The following XRCC5 variants were observed in gnomAD, a reference collection of about 807,000 sequenced individuals.
The protein encoded by XRCC5 is DNA repair protein Ku80.
A neutral mutation model predicts 95.7 loss-of-function variants in XRCC5; 12 were observed. That is an observed-to-expected ratio of 0.13 (90% CI 0.08 to 0.20). XRCC5 has a LOEUF of 0.20. XRCC5 is among the 10% of genes least tolerant of loss of function. The pLI is 1.00. For synonymous variants in XRCC5, 281 were observed against 290.3 expected (o/e 0.97, Z 0.33); for missense variants, 595 against 873.9 (o/e 0.68, Z 4.02).
chr2:216,153,166 T>G (rs1316175052), intron 14 of XRCC5, among the ~76,000 whole-genome samples: 1 of 152,226 alleles, frequency 6.6e-6, no homozygotes, highest in African/African-American at 2.4e-5. Flanking sequence ...AACTCATCTT[T>G]CAAAAGACAC....
intron 16 of XRCC5, among the ~76,000 whole-genome samples, chr2:216,162,661 G>A (rs1043544672): frequency 6.6e-6 from 1 of 151,952 alleles, no homozygotes; most frequent in African/African-American, 2.4e-5. Context: ...CAAAGTGCTG[G>A]GATAACAGGT....
intron 10 of XRCC5, among the ~76,000 whole-genome samples, chr2:216,136,511 CAG>C (rs903704905): frequency 3.3e-5 from 5 of 151,834 alleles, no homozygotes; most frequent in African/African-American, 7.3e-5. Flanking sequence ...AGAGAATAAT[CAG>C]GGGAGAATGT....
At chr2:216,112,475 G>T (rs887261003) in intron 1 of XRCC5, among the ~76,000 whole-genome samples, 1 of 152,178 alleles carries the variant, frequency 6.6e-6, no homozygotes, top group African/African-American at 2.4e-5. Context: ...AATAGATTTG[G>T]TGTCTTTATT....
At chr2:216,121,111 ATTTC>A (rs1254839417) in intron 5 of XRCC5, among the ~76,000 whole-genome samples, 3 of 152,066 alleles carry the variant, frequency 2.0e-5, no homozygotes, top group African/African-American at 7.2e-5. Flanking sequence ...AACAGTTATT[ATTTC>A]TTTTTCCAGG....
At chr2:216,186,166 A>G (rs1689487911) in intron 16 of XRCC5, among the ~76,000 whole-genome samples, 1 of 152,164 alleles carries the variant, frequency 6.6e-6, no homozygotes, top group South Asian at 2.1e-4. Context: ...GGAGGAGAAA[A>G]TCCCACAATA....
chr2:216,165,848 C>A (rs1453449727), intron 16 of XRCC5, among the ~76,000 whole-genome samples: 3 of 152,118 alleles, frequency 2.0e-5, no homozygotes, highest in Non-Finnish European at 1.5e-5. Context: ...TTTTCTCAGG[C>A]CTGATAGTAG....
chr2:216,119,173 C>T lies in XRCC5; in HGVS notation c.491+8C>T, dbSNP rs369452148. 1.9e-6 allele frequency: 3 copies of T among 1,613,554 alleles called. No individual in the cohort carries two copies. The African/African-American group carries it at 4.0e-5, about 22-fold the overall frequency. On this transcript the variant is annotated splice_region_variant and intron_variant, in intron 5 of 20. Coordinates refer to ENST00000392132, the MANE Select transcript of XRCC5 (RefSeq NM_021141.4). ...CATCTCCCTGCAATTCTTGTAAGAT[C>T]CTAAGAATAATGCATGTAGACAAAT...
At chr2:216,171,445 GA>G (rs1273565429) in intron 16 of XRCC5, among the ~76,000 whole-genome samples, 1 of 152,220 alleles carries the variant, frequency 6.6e-6, no homozygotes, top group East Asian at 1.9e-4. Context: ...GGAAATGGGA[GA>G]AAATTTAACT....
chr2:216,145,744 A>T (rs1688618086), intron 13 of XRCC5, among the ~76,000 whole-genome samples: 1 of 152,190 alleles, frequency 6.6e-6, no homozygotes, highest in Non-Finnish European at 1.5e-5. Context: ...GATGACACTG[A>T]AAAGATTGCC....
At chr2:216,143,796 C>G (rs911967724) in intron 13 of XRCC5, among the ~76,000 whole-genome samples, 2 of 148,122 alleles carry the variant, frequency 1.4e-5, no homozygotes, top group Non-Finnish European at 1.5e-5. Context: ...TGAGCTCTGT[C>G]TCCTGGTTCA....
Position 216,109,349 on chromosome 2 carries a change from C to T in XRCC5, c.-88C>T. The T allele has an allele frequency of 2.5e-6, 4 of 1,602,544 alleles. No individual in the cohort carries two copies. The highest frequency in any genetic ancestry group is 3.4e-6 in the Non-Finnish European group (4 of 1,174,482). ...GCAGGAAACGAAGCGGCTCTTTCCGCTATCTGCCGCTTGTCCACCGGAAGC... is the reference window on the plus strand; with the variant it reads ...GCAGGAAACGAAGCGGCTCTTTCCGTTATCTGCCGCTTGTCCACCGGAAGC... On this transcript the variant is annotated 5_prime_UTR_variant, in exon 1 of 21. Coordinates refer to ENST00000392132, the MANE Select transcript of XRCC5 (RefSeq NM_021141.4).
chr2:216,143,605 A>G (rs1020653747), intron 13 of XRCC5, among the ~76,000 whole-genome samples: 6 of 152,154 alleles, frequency 3.9e-5, no homozygotes, highest in Admixed American at 3.3e-4. Context: ...TGGCTTATCT[A>G]TATAAAGAAG....
intron 4 of XRCC5, among the ~76,000 whole-genome samples, chr2:216,118,044 CTAT>C (rs1319904186): frequency 6.6e-6 from 1 of 152,110 alleles, no homozygotes; most frequent in Non-Finnish European, 1.5e-5. Flanking sequence ...AGTTTACTTC[CTAT>C]TAGACTTAAG....
intron 14 of XRCC5, among the ~76,000 whole-genome samples, chr2:216,149,042 T>C (rs925070743): frequency 1.3e-5 from 2 of 152,214 alleles, no homozygotes; most frequent in Non-Finnish European, 2.9e-5. Context: ...TACATTTCTT[T>C]TGGCTGTATT....
chr2:216,151,928 A>G (rs1381233941), intron 14 of XRCC5, among the ~76,000 whole-genome samples: 5 of 152,186 alleles, frequency 3.3e-5, no homozygotes, highest in Non-Finnish European at 7.3e-5. Context: ...GAAACTTACA[A>G]TCATGGCAGA....
chr2:216,128,194 T>A (rs1283412020), intron 8 of XRCC5, among the ~76,000 whole-genome samples: 1 of 152,228 alleles, frequency 6.6e-6, no homozygotes, highest in African/African-American at 2.4e-5. Context: ...TGTGTCTAGA[T>A]GGCATCTTTA....
intron 13 of XRCC5, among the ~76,000 whole-genome samples, chr2:216,141,690 C>G (rs1697175354): frequency 6.6e-6 from 1 of 152,068 alleles, no homozygotes; most frequent in Non-Finnish European, 1.5e-5. Context: ...CTTCCCGCCT[C>G]AGTCTCCTGA....
chr2:216,163,163 C>T (rs1251255731), intron 16 of XRCC5, among the ~76,000 whole-genome samples: 1 of 150,962 alleles, frequency 6.6e-6, no homozygotes, highest in Non-Finnish European at 1.5e-5. Context: ...GTGACAGGGT[C>T]TCGCTGTGTC....
chr2:216,121,969 T>C, intron 5 of XRCC5, 93 bp from the exon 6 acceptor site: 2 of 1,156,044 alleles, frequency 1.7e-6, no homozygotes, highest in Non-Finnish European at 2.3e-6. Context: ...AATTTGAAAC[T>C]TGAAAAGGTT....
Sources: gnomAD v4.1 joint callset for allele counts (sites outside exome capture counted in the v4.1 genomes callset) on GRCh38, gnomAD v4.1.1 for gene constraint, MANE v1.5 for transcripts, NCBI Gene and HGNC (gene_info 2026-07-23, HGNC 2026-07-21) for gene names.